RALGAPA1: variants seen among roughly 807,000 people sequenced by gnomAD.
RALGAPA1 encodes the protein ral GTPase-activating protein subunit alpha-1.
RALGAPA1 carries 52 observed loss-of-function variants against 269.6 expected under a neutral mutation model. The ratio of observed to expected loss-of-function variants is 0.19; its 90% CI spans 0.15 to 0.24. RALGAPA1 has a LOEUF of 0.24. Ranked by LOEUF, RALGAPA1 falls within the 10% of genes least tolerant of loss-of-function variation. The pLI, the probability that RALGAPA1 is intolerant of heterozygous loss-of-function variation, is 1.00. For synonymous variants in RALGAPA1, 817 were observed against 1,008.3 expected (o/e 0.81, Z 3.60); for missense variants, 1,917 against 3,013.9 (o/e 0.64, Z 8.52).
At chr14:35,679,160 T>C (rs1285833043) in intron 21 of RALGAPA1, among the ~76,000 whole-genome samples, 2 of 152,200 alleles carry the variant, frequency 1.3e-5, no homozygotes, top group African/African-American at 2.4e-5. Flanking sequence ...CTTGTGGTGG[T>C]TATAATATAG....
At chr14:35,731,163 G>A (rs1258757504) in intron 12 of RALGAPA1, among the ~76,000 whole-genome samples, 1 of 152,210 alleles carries the variant, frequency 6.6e-6, no homozygotes, top group Non-Finnish European at 1.5e-5. Context: ...CTCACAGGAA[G>A]CCACATCCAT....
intron 26 of RALGAPA1, among the ~76,000 whole-genome samples, chr14:35,667,680 T>A (rs1393228816): frequency 6.6e-6 from 1 of 152,196 alleles, no homozygotes; most frequent in South Asian, 2.1e-4. Flanking sequence ...AGTACCTTTC[T>A]AAGGGGACCT....
intron 37 of RALGAPA1, among the ~76,000 whole-genome samples, chr14:35,579,787 T>G (rs1240145208): frequency 6.6e-6 from 1 of 152,114 alleles, no homozygotes; most frequent in African/African-American, 2.4e-5. Context: ...GGGCAGAGTT[T>G]CTTCTATAAG....
intron 30 of RALGAPA1, among the ~76,000 whole-genome samples, chr14:35,653,629 C>T (rs2062988166): frequency 6.6e-6 from 1 of 151,832 alleles, no homozygotes; most frequent in Non-Finnish European, 1.5e-5. Context: ...TATTTTATAG[C>T]CAAAGGAAAA....
chr14:35,604,709 T>C (rs957474738), intron 36 of RALGAPA1, among the ~76,000 whole-genome samples: 1 of 152,116 alleles, frequency 6.6e-6, no homozygotes, highest in African/African-American at 2.4e-5. Context: ...GGATACAATT[T>C]CCAGTGTACT....
chr14:35,778,491 T>C (rs559947219), intron 1 of RALGAPA1, among the ~76,000 whole-genome samples: 1 of 152,332 alleles, frequency 6.6e-6, no homozygotes, highest in African/African-American at 2.4e-5. Flanking sequence ...AGAACAATGT[T>C]TCAAATGTCT....
At chr14:35,568,310 G>GGTAA (rs1223011893) in intron 39 of RALGAPA1, among the ~76,000 whole-genome samples, 21 of 151,986 alleles carry the variant, frequency 1.4e-4, no homozygotes, top group Admixed American at 1.2e-3. Flanking sequence ...TCAATTAATT[G>GGTAA]GTAAGTATAA....
intron 18 of RALGAPA1, among the ~76,000 whole-genome samples, chr14:35,687,070 C>T (rs2066002549): frequency 6.6e-6 from 1 of 152,134 alleles, no homozygotes; most frequent in Admixed American, 6.5e-5. Flanking sequence ...CTATGCAAAA[C>T]TCAGTGGGAT....
intron 36 of RALGAPA1, among the ~76,000 whole-genome samples, chr14:35,598,096 C>A (rs1185814410): frequency 6.6e-6 from 1 of 152,164 alleles, no homozygotes; most frequent in South Asian, 2.1e-4. Flanking sequence ...TAGTTTTCCT[C>A]TTAACTGTTG....
At chr14:35,596,673 C>T (rs959030352) in intron 36 of RALGAPA1, among the ~76,000 whole-genome samples, 1 of 152,054 alleles carries the variant, frequency 6.6e-6, no homozygotes, top group Non-Finnish European at 1.5e-5. Flanking sequence ...AAGATTACCT[C>T]AATCTCTTCC....
intron 35 of RALGAPA1, among the ~76,000 whole-genome samples, chr14:35,615,145 G>C (rs1031186756): frequency 1.3e-5 from 2 of 152,082 alleles, no homozygotes; most frequent in African/African-American, 4.8e-5. Flanking sequence ...TAGTGAACTT[G>C]CAACTACAAA....
intron 37 of RALGAPA1, among the ~76,000 whole-genome samples, chr14:35,592,744 T>G (rs1168119609): frequency 6.6e-6 from 1 of 152,058 alleles, no homozygotes; most frequent in African/African-American, 2.4e-5. Context: ...AGAATAACAG[T>G]TAAAAACTAT....
chr14:35,767,128 T>C (rs2074223927), intron 4 of RALGAPA1: 2 of 204,116 alleles, frequency 9.8e-6, no homozygotes, highest in South Asian at 8.3e-5. Context: ...AAATATATCA[T>C]GCAAAATTTT....
chr14:35,750,381 T>G, intron 9 of RALGAPA1, 101 bp downstream of exon 9: 1 of 636,508 alleles, frequency 1.6e-6, no homozygotes. Flanking sequence ...AAAATAGCAC[T>G]ATTATTTAAG....
rs113746592 is a variant in RALGAPA1 at position 35,570,542 on chromosome 14, C to A, written c.7496+75G>T. On this transcript the variant is annotated intron_variant, in intron 39 of 41. Transcript: ENST00000680220. The stretch of plus-strand genomic sequence containing the variant: ...AACCCTAGAAAATAAAAGGCTTTAA[C>A]AATATATAAGAAATATTTACCTTTG... 3.4e-6 allele frequency: 4 copies of A among 1,193,100 alleles called. No homozygotes were observed. The African/African-American group carries it at 4.8e-5, about 14-fold the overall frequency. 73.9% of individuals were successfully genotyped at this position (1,193,100 alleles called of 1,614,324 possible). A position where few individuals can be genotyped will look rare whatever the true frequency, so the allele number is the denominator to read the frequency against.
chr14:35,670,463 G>T (rs2064309855), intron 26 of RALGAPA1, among the ~76,000 whole-genome samples: 1 of 152,108 alleles, frequency 6.6e-6, no homozygotes, highest in Non-Finnish European at 1.5e-5. Flanking sequence ...ATCCTTCAAT[G>T]GTTACTCATT....
At chr14:35,679,774 CAGTA>C (rs894508898) in intron 21 of RALGAPA1, among the ~76,000 whole-genome samples, 1 of 151,972 alleles carries the variant, frequency 6.6e-6, no homozygotes, top group Non-Finnish European at 1.5e-5. Flanking sequence ...AGTAGTAGCA[CAGTA>C]AGTAAGTGCC....
In RALGAPA1 at chr14:35,688,782, C is replaced by G; in HGVS notation, c.3629G>C (p.Gly1210Ala). The part of the protein sequence containing the change: ...TNSATELVKP[G>A]VYRPLDTLGT... ...AAGTGTATCTAGAGGTCTGTACACA[C>G]CAGGTTTTACTAGCTCTGTAGCACT... The change falls in exon 18 of 42, where the codon GGT becomes GCT. Residue 1210 changes from glycine to alanine, a missense_variant. Physicochemically the swap from Gly to Ala is moderately conservative, Grantham distance 60. This residue lies in a region of RALGAPA1 where 615 missense variants were observed against 790.0 expected (regional missense o/e 0.78). Coordinates refer to ENST00000680220, the MANE Select transcript of RALGAPA1 (RefSeq NM_001346249.2). The G allele has an allele frequency of 7.0e-7, 1 of 1,421,306 alleles. No homozygotes were observed. Among genetic ancestry groups the G allele is most frequent in the Non-Finnish European group, 9.2e-7 (1 of 1,092,668 alleles). The allele number at this position is 1,421,306 out of a possible 1,614,324, so 88.0% of individuals were successfully genotyped here. A position where few individuals can be genotyped will look rare whatever the true frequency, so the allele number is the denominator to read the frequency against.
chr14:35,617,360 G>A (rs991289771), intron 35 of RALGAPA1, among the ~76,000 whole-genome samples: 20 of 152,150 alleles, frequency 1.3e-4, no homozygotes, highest in African/African-American at 4.1e-4. Flanking sequence ...GCGCATGCCT[G>A]TAATCCCAGC....
Sources: gnomAD v4.1 joint callset for allele counts (sites outside exome capture counted in the v4.1 genomes callset) on GRCh38, gnomAD v4.1.1 for gene constraint, gnomAD v4.1.1 regional missense constraint, MANE v1.5 for transcripts, NCBI Gene and HGNC (gene_info 2026-07-23, HGNC 2026-07-21) for gene names.